DIAPH3: variants seen among roughly 807,000 people sequenced by gnomAD.
DIAPH3 encodes the protein protein diaphanous homolog 3.
DIAPH3 carries 117 observed loss-of-function variants against 144.3 expected under a neutral mutation model. The observed-to-expected ratio is 0.81, with a 90% CI of 0.70 to 0.95. The LOEUF is 0.95. Ranked by LOEUF, DIAPH3 falls within the 40% of genes least tolerant of loss-of-function variation. The pLI, the probability that DIAPH3 is intolerant of heterozygous loss-of-function variation, is 0.00. For synonymous variants in DIAPH3, 519 were observed against 488.9 expected (o/e 1.06, Z -0.81); for missense variants, 1,421 against 1,412.7 (o/e 1.01, Z -0.09).
chr13:59,741,054 C>G (rs2036414952), intron 27 of DIAPH3, among the ~76,000 whole-genome samples: 1 of 152,202 alleles, frequency 6.6e-6, no homozygotes, highest in Admixed American at 6.5e-5. Context: ...CTCACTCTAG[C>G]TGTTAACGGA....
chr13:59,919,896 A>G (rs1309271560), intron 18 of DIAPH3, among the ~76,000 whole-genome samples: 1 of 152,060 alleles, frequency 6.6e-6, no homozygotes, highest in Non-Finnish European at 1.5e-5. Flanking sequence ...GAGTTGTGAC[A>G]TCAAAAATTC....
intron 27 of DIAPH3, among the ~76,000 whole-genome samples, chr13:59,706,166 T>C (rs915598097): frequency 6.6e-6 from 1 of 152,126 alleles, no homozygotes; most frequent in African/African-American, 2.4e-5. Context: ...GTAAATGCTA[T>C]ATAAATAGTT....
At chr13:59,900,870 T>G (rs990486412) in intron 20 of DIAPH3, among the ~76,000 whole-genome samples, 2 of 152,166 alleles carry the variant, frequency 1.3e-5, no homozygotes, top group Non-Finnish European at 2.9e-5. Context: ...AGACTTTCCC[T>G]CATCTCTATA....
intron 3 of DIAPH3, among the ~76,000 whole-genome samples, chr13:60,108,910 A>T (rs1214219670): frequency 1.3e-5 from 2 of 151,946 alleles, no homozygotes; most frequent in African/African-American, 2.4e-5. Context: ...GTGTGTGTGT[A>T]TTTAGGAAAT....
At chr13:60,028,801 C>T (rs2054569032) in intron 5 of DIAPH3, among the ~76,000 whole-genome samples, 1 of 152,150 alleles carries the variant, frequency 6.6e-6, no homozygotes, top group Non-Finnish European at 1.5e-5. Context: ...TGCCTCACAC[C>T]TGTAATTCCA....
intron 5 of DIAPH3, among the ~76,000 whole-genome samples, chr13:60,038,183 C>A (rs993987463): frequency 6.6e-5 from 10 of 152,084 alleles, no homozygotes; most frequent in East Asian, 5.8e-4. Flanking sequence ...AGCTTCAAAG[C>A]TATAGGCAAT....
At chr13:59,983,117 C>A (rs2051126054) in intron 13 of DIAPH3, among the ~76,000 whole-genome samples, 1 of 101,310 alleles carries the variant, frequency 9.9e-6, no homozygotes. Context: ...TGTTACAACA[C>A]TAAATAATAA....
At position 59,985,496 on chromosome 13, in the gene DIAPH3, TA is replaced by T. The variant is rs1353783849; in HGVS notation, c.1362-1610del. 4.6e-5 allele frequency among the ~76,000 whole-genome samples: 3 copies of T among 65,914 alleles called. 1 individual carries two copies. Among genetic ancestry groups the T allele is most frequent in the Non-Finnish European group, 3.1e-5 (1 of 32,314 alleles). The allele number at this position is 65,914 out of a possible 152,430, so 43.2% of individuals were successfully genotyped here. On this transcript the variant is annotated intron_variant, in intron 12 of 27. Coordinates refer to ENST00000400324, the MANE Select transcript of DIAPH3 (RefSeq NM_001042517.2). ...AGGGCAATCAGGCAGGAGAAGGAAA[TA>T]AAGGGTATTCAATTAGGAAAAGAGG... is the stretch of plus-strand genomic sequence containing the variant.
chr13:59,884,033 C>T (rs999575940), intron 20 of DIAPH3, among the ~76,000 whole-genome samples: 4 of 152,124 alleles, frequency 2.6e-5, no homozygotes, highest in African/African-American at 7.2e-5. Context: ...AGGTGAGCAG[C>T]GGGCCTGAGC....
intron 17 of DIAPH3, among the ~76,000 whole-genome samples, chr13:59,959,389 A>C (rs2049609435): frequency 6.6e-6 from 1 of 152,158 alleles, no homozygotes; most frequent in Non-Finnish European, 1.5e-5. Context: ...TAATTTCTGG[A>C]CCCAGTGGAT....
At chr13:59,816,050 CT>C (rs2040754592) in intron 24 of DIAPH3, among the ~76,000 whole-genome samples, 1 of 152,002 alleles carries the variant, frequency 6.6e-6, no homozygotes, top group Admixed American at 6.6e-5. Flanking sequence ...GATTTTCTGA[CT>C]TGACTGAGAG....
At chr13:59,777,521 G>A (rs1485624334) in intron 25 of DIAPH3, among the ~76,000 whole-genome samples, 1 of 152,162 alleles carries the variant, frequency 6.6e-6, no homozygotes, top group East Asian at 1.9e-4. Context: ...AAACTATTGT[G>A]CATAAGGGAT....
intron 27 of DIAPH3, among the ~76,000 whole-genome samples, chr13:59,729,120 A>T (rs1593689250): frequency 6.6e-6 from 1 of 152,334 alleles, no homozygotes; most frequent in East Asian, 1.9e-4. Flanking sequence ...GAGGCATCAG[A>T]ATTCCTGGCA....
At chr13:59,715,636 T>G (rs531220042) in intron 27 of DIAPH3, among the ~76,000 whole-genome samples, 88 of 152,202 alleles carry the variant, frequency 5.8e-4, no homozygotes, top group Admixed American at 5.9e-4. Flanking sequence ...TGTTCCCCTG[T>G]TCAGAGGGGA....
chr13:59,989,513 G>A (rs9570242), intron 12 of DIAPH3, among the ~76,000 whole-genome samples: 1 of 151,588 alleles, frequency 6.6e-6, no homozygotes, highest in Non-Finnish European at 1.5e-5. Context: ...TGCCTTTGTG[G>A]CAACCATATC....
chr13:59,800,258 T>C (rs2039836369), intron 25 of DIAPH3, among the ~76,000 whole-genome samples: 1 of 152,236 alleles, frequency 6.6e-6, no homozygotes, highest in South Asian at 2.1e-4. Flanking sequence ...CCATGAGATA[T>C]ATTTTCCCCT....
At chr13:60,018,787 A>C (rs1414950625) in intron 5 of DIAPH3, among the ~76,000 whole-genome samples, 1 of 152,150 alleles carries the variant, frequency 6.6e-6, no homozygotes, top group Non-Finnish European at 1.5e-5. Context: ...ATCTCATAAA[A>C]CATGTCAAAA....
Position 59,983,906 on chromosome 13 carries a change from G to C in DIAPH3, c.1362-19C>G, listed in dbSNP as rs370844366. The C allele has an allele frequency of 2.2e-5, 33 of 1,484,458 alleles. No homozygotes were observed. The highest frequency in any genetic ancestry group is 3.7e-4 in the Middle Eastern group (2 of 5,438). 92.0% of individuals were successfully genotyped at this position (1,484,458 alleles called of 1,614,324 possible). ...TTGTTGCCTAAAACCAAAGAAAAGA[G>C]TAAATGTACAATTGATAATTAGTGT... On this transcript the variant is annotated intron_variant, in intron 12 of 27. Coordinates refer to ENST00000400324, the MANE Select transcript of DIAPH3 (RefSeq NM_001042517.2).
In DIAPH3 at chr13:59,771,572, A is replaced by C. The variant is rs17057237; in HGVS notation, c.3319+2617T>G. Among the ~76,000 whole-genome samples the C allele has an allele frequency of 5.1e-3, 780 of 152,166 alleles. 13 individuals carry two copies. The highest frequency in any genetic ancestry group is 0.018 in the African/African-American group (748 of 41,540). ...TTGTTTAACTTTATGTTACAAGCTA[A>C]AAAAATGTATGCATATAAGTCACCA... On this transcript the variant is annotated intron_variant, in intron 27 of 27. Transcript: ENST00000400324.
Sources: gnomAD v4.1 joint callset for allele counts (sites outside exome capture counted in the v4.1 genomes callset) on GRCh38, gnomAD v4.1.1 for gene constraint, MANE v1.5 for transcripts, NCBI Gene and HGNC (gene_info 2026-07-23, HGNC 2026-07-21) for gene names.